Variants in PRIM2 observed in about 807,000 individuals in gnomAD.
The protein encoded by PRIM2 is DNA primase large subunit.
A neutral mutation model predicts 67.3 loss-of-function variants in PRIM2; 39 were observed. That is an observed-to-expected ratio of 0.58 (90% confidence interval 0.45 to 0.76). The LOEUF (loss-of-function observed/expected upper bound fraction) is 0.76, where lower values mean the gene tolerates loss of function less well. Among genes scored for constraint, PRIM2 ranks in the 30% least tolerant of loss-of-function variants. PRIM2 has a pLI of 0.00. For synonymous variants in PRIM2, 143 were observed against 198.7 expected (o/e 0.72, Z 2.36); for missense variants, 398 against 598.7 (o/e 0.66, Z 3.50).
At chr6:57,541,239 T>C (rs1156936343) in intron 10 of PRIM2, among the ~76,000 whole-genome samples, 1 of 152,148 alleles carries the variant, frequency 6.6e-6, no homozygotes. Context: ...ATGTATTTTC[T>C]TATGACTTTC....
the PRIM2 span, among the ~76,000 whole-genome samples, chr6:57,278,689 C>T: frequency 1.3e-5 from 2 of 151,770 alleles, no homozygotes. Flanking sequence ...TCATGTTTTC[C>T]AAGGCATGAA....
rs547726106 is a variant in PRIM2, at chr6:57,351,531, A to C, written c.459+25486A>C. On this transcript the variant is annotated intron_variant, in intron 5 of 13. Transcript: ENST00000615550. Reference sequence around the variant, plus strand: ...AAAGAAGTGGGCAGATGTGGTAGACATTATGGAAATAGCCTAAAGACTTGA... The same window carrying C: ...AAAGAAGTGGGCAGATGTGGTAGACCTTATGGAAATAGCCTAAAGACTTGA... Among the ~76,000 whole-genome samples the C allele has an allele frequency of 6.4e-4, 98 of 152,346 alleles. No individual in the cohort carries two copies. The East Asian group carries it at 0.018, about 28-fold the overall frequency.
intron 7 of PRIM2, among the ~76,000 whole-genome samples, chr6:57,468,102 T>A (rs1453358342): frequency 6.6e-6 from 1 of 152,220 alleles, no homozygotes; most frequent in Non-Finnish European, 1.5e-5. Context: ...CCTCTCTTCC[T>A]ATTTGAATAC....
At chr6:57,482,488 A>G (rs1773652496) in intron 7 of PRIM2, among the ~76,000 whole-genome samples, 1 of 152,228 alleles carries the variant, frequency 6.6e-6, no homozygotes, top group Admixed American at 6.5e-5. Flanking sequence ...TAAGCACAGA[A>G]GAAAGGTGCT....
chr6:57,389,612 T>C (rs1770264676), intron 7 of PRIM2, among the ~76,000 whole-genome samples: 1 of 152,202 alleles, frequency 6.6e-6, no homozygotes, highest in Admixed American at 6.5e-5. Context: ...AGGATTTTCT[T>C]TTTTGAAAAG....
chr6:57,313,646 G>C (rs1245585239), upstream of PRIM2, among the ~76,000 whole-genome samples: 1 of 152,192 alleles, frequency 6.6e-6, no homozygotes. Flanking sequence ...GAAATGGGGA[G>C]GGTGGAGGGC....
At chr6:57,485,385 T>C (rs1773730034) in intron 7 of PRIM2, among the ~76,000 whole-genome samples, 1 of 152,166 alleles carries the variant, frequency 6.6e-6, no homozygotes, top group Non-Finnish European at 1.5e-5. Context: ...TTCCCCTCTT[T>C]GGGTAGTTAG....
At chr6:57,374,840 C>A (rs1769702364) in intron 5 of PRIM2, among the ~76,000 whole-genome samples, 1 of 152,206 alleles carries the variant, frequency 6.6e-6, no homozygotes, top group Admixed American at 6.5e-5. Flanking sequence ...CCTGCCTCAG[C>A]CTCCCAAATT....
chr6:57,463,690 T>G, intron 7 of PRIM2, among the ~76,000 whole-genome samples: 1 of 152,104 alleles, frequency 6.6e-6, no homozygotes, highest in East Asian at 1.9e-4. Flanking sequence ...TTCTTTACAT[T>G]AGGGCACTGA....
At chr6:57,310,104 AC>A, upstream of PRIM2, among the ~76,000 whole-genome samples, 2 of 152,242 alleles carry the variant, frequency 1.3e-5, no homozygotes, top group Middle Eastern at 6.8e-3. Context: ...CAAGAAAAAA[AC>A]AAACAACCCC....
the PRIM2 span, among the ~76,000 whole-genome samples, chr6:57,271,460 G>T: frequency 2.6e-5 from 4 of 152,190 alleles, no homozygotes; most frequent in African/African-American, 9.6e-5. Flanking sequence ...TATTTCTGTG[G>T]GATTGGTGGT....
chr6:57,624,911 G>A (rs1776921342), intron 12 of PRIM2, among the ~76,000 whole-genome samples: 1 of 152,176 alleles, frequency 6.6e-6, no homozygotes, highest in East Asian at 1.9e-4. Context: ...AATCATGGTG[G>A]AAGGTGAGAG....
chr6:57,346,712 T>C (rs908975130), intron 5 of PRIM2, among the ~76,000 whole-genome samples: 1 of 152,178 alleles, frequency 6.6e-6, no homozygotes, highest in African/African-American at 2.4e-5. Context: ...TGAAGTCTTG[T>C]GTCATGGTCT....
At chr6:57,458,287 G>T (rs9475987) in intron 7 of PRIM2, among the ~76,000 whole-genome samples, 1 of 152,098 alleles carries the variant, frequency 6.6e-6, no homozygotes, top group Admixed American at 6.6e-5. Context: ...CAAAAGTTAC[G>T]TATCACCTTG....
In PRIM2 at chr6:57,579,243, G is replaced by A. The variant is rs1456535936; in HGVS notation, c.1021-21850G>A. Among the ~76,000 whole-genome samples, 8 of 148,532 alleles carry A rather than the reference G, an allele frequency of 5.4e-5. No individual in the cohort carries two copies. In the South Asian group the frequency reaches 1.5e-3, roughly 28 times the overall value. ...TTAGTCTCACCAAGTGTGAACTATT[G>A]GCTCCTGACCTTTAGAAAAGAAACA... On this transcript the variant is annotated intron_variant, in intron 10 of 13. Transcript: ENST00000615550.
At chr6:57,506,528 T>C (rs1438114834) in intron 7 of PRIM2, among the ~76,000 whole-genome samples, 4 of 152,106 alleles carry the variant, frequency 2.6e-5, no homozygotes, top group Admixed American at 2.0e-4. Context: ...GATTGATTAG[T>C]AAAATATGAG....
rs913199373 is a variant in PRIM2 at position 57,403,297 on chromosome 6, C to T, written c.693+21129C>T. On this transcript the variant is annotated intron_variant, in intron 7 of 13. Transcript: ENST00000615550. ...TTGGAGATCCAGTCTCGCTCTGTTG[C>T]CCAGGCTGGAGTGCAGTGGCGCGAA... 2.1e-5 allele frequency among the ~76,000 whole-genome samples: 3 copies of T among 144,154 alleles called. No individual in the cohort carries two copies. In the Admixed American group the frequency reaches 2.1e-4, roughly 10 times the overall value. The allele number at this position is 144,154 out of a possible 152,430, so 94.6% of individuals were successfully genotyped here. A position where few individuals can be genotyped will look rare whatever the true frequency, so the allele number is the denominator to read the frequency against.
intron 7 of PRIM2, among the ~76,000 whole-genome samples, chr6:57,461,219 G>T (rs2127397081): frequency 6.6e-6 from 1 of 152,338 alleles, no homozygotes; most frequent in African/African-American, 2.4e-5. Flanking sequence ...TGGTAAGTAA[G>T]TGGCTTTGAT....
At chr6:57,630,770 T>C (rs1301580088) in intron 12 of PRIM2, among the ~76,000 whole-genome samples, 102 of 152,300 alleles carry the variant, frequency 6.7e-4, no homozygotes, top group African/African-American at 2.3e-3. Context: ...CAGTAATTAT[T>C]TGCAAGTTTA....
Sources: allele counts gnomAD v4.1 joint callset (sites outside exome capture counted in the v4.1 genomes callset), GRCh38; gene constraint gnomAD v4.1.1; transcripts MANE v1.5; gene names NCBI Gene and HGNC (gene_info 2026-07-23, HGNC 2026-07-21).